CDH12: variants seen among roughly 807,000 people sequenced by gnomAD.
The protein encoded by CDH12 is cadherin 12.
In CDH12, 41 loss-of-function variants were observed where a neutral mutation model predicts 74.1. The ratio of observed to expected loss-of-function variants is 0.55; its 90% CI spans 0.43 to 0.72. CDH12 has a LOEUF of 0.72. Ranked by LOEUF, CDH12 falls within the 30% of genes least tolerant of loss-of-function variation. The pLI is 0.00. For synonymous variants in CDH12, 399 were observed against 355.0 expected (o/e 1.12, Z -1.39); for missense variants, 945 against 977.2 (o/e 0.97, Z 0.44).
intron 3 of CDH12, among the ~76,000 whole-genome samples, chr5:22,404,460 CT>C (rs200070020): frequency 1.3e-5 from 2 of 151,930 alleles, no homozygotes; most frequent in East Asian, 1.9e-4. Flanking sequence ...GAAGCCTGCC[CT>C]TTTTTTTGTT....
chr5:22,030,735 T>C (rs1267051255), intron 5 of CDH12, among the ~76,000 whole-genome samples: 1 of 152,188 alleles, frequency 6.6e-6, no homozygotes, highest in African/African-American at 2.4e-5. Context: ...TGTCTAGCTA[T>C]GAAAGTCCAA....
At chr5:22,692,069 T>C (rs1742112717) in intron 1 of CDH12, among the ~76,000 whole-genome samples, 2 of 152,166 alleles carry the variant, frequency 1.3e-5, no homozygotes, top group Non-Finnish European at 2.9e-5. Flanking sequence ...GTTTGGGTCA[T>C]GGGGTCGAAT....
chr5:22,463,929 GGTTAT>G (rs1250802965), intron 2 of CDH12, among the ~76,000 whole-genome samples: 2 of 152,028 alleles, frequency 1.3e-5, no homozygotes, highest in African/African-American at 2.4e-5. Flanking sequence ...TTTCTTCAAT[GGTTAT>G]GTTATAAGAT....
intron 1 of CDH12, among the ~76,000 whole-genome samples, chr5:22,686,618 C>T (rs1012249227): frequency 6.6e-6 from 1 of 152,238 alleles, no homozygotes; most frequent in East Asian, 1.9e-4. Context: ...AGCAACATTT[C>T]TTGAAGAGTT....
At chr5:21,764,466 G>C (rs981322743) in intron 12 of CDH12, among the ~76,000 whole-genome samples, 11 of 151,086 alleles carry the variant, frequency 7.3e-5, no homozygotes, top group Non-Finnish European at 1.5e-4. Flanking sequence ...TGGCTAACAT[G>C]GAGACACCCC....
At chr5:22,562,405 A>G (rs1739096259) in intron 1 of CDH12, among the ~76,000 whole-genome samples, 1 of 152,222 alleles carries the variant, frequency 6.6e-6, no homozygotes. Flanking sequence ...TTAAAAAAAT[A>G]CAAAATGAAA....
chr5:21,950,841 A>G (rs1012836558), intron 6 of CDH12, among the ~76,000 whole-genome samples: 8 of 150,408 alleles, frequency 5.3e-5, no homozygotes, highest in African/African-American at 1.9e-4. Flanking sequence ...GCTGGAGTGC[A>G]GTGGAGCAAT....
chr5:22,817,912 A>T (rs1255638682), intron 1 of CDH12, among the ~76,000 whole-genome samples: 1 of 152,170 alleles, frequency 6.6e-6, no homozygotes, highest in East Asian at 1.9e-4. Context: ...TATTTTAGGC[A>T]TGCCGTTAGT....
intron 4 of CDH12, among the ~76,000 whole-genome samples, chr5:22,173,397 TAATA>T (rs1388813437): frequency 1.3e-5 from 1 of 79,982 alleles, no homozygotes; most frequent in African/African-American, 3.0e-5. Context: ...ATATAAATAT[TAATA>T]AATATTAATA....
Position 22,751,027 on chromosome 5 carries a change from A to G in CDH12, c.-523+102031T>C, listed in dbSNP as rs143500156. 2.1e-3 allele frequency among the ~76,000 whole-genome samples: 314 copies of G among 152,010 alleles called. 2 individuals are homozygous for G. Among genetic ancestry groups the G allele is most frequent in the African/African-American group, 7.4e-3 (307 of 41,538 alleles). On this transcript the variant is annotated intron_variant, in intron 1 of 14. Coordinates refer to ENST00000382254, the MANE Select transcript of CDH12 (RefSeq NM_004061.5). ...TTAAAATAAATCTTTACATTTCACA[A>G]TGTTGGGAAAATGAATGACTTACTG...
chr5:22,294,838 T>G (rs1012825836), intron 3 of CDH12, among the ~76,000 whole-genome samples: 1 of 152,252 alleles, frequency 6.6e-6, no homozygotes, highest in Admixed American at 6.5e-5. Flanking sequence ...ACTATTTATC[T>G]GCTTCTTTGA....
At chr5:22,603,441 T>C (rs950415001) in intron 1 of CDH12, among the ~76,000 whole-genome samples, 10 of 152,126 alleles carry the variant, frequency 6.6e-5, no homozygotes, top group African/African-American at 2.2e-4. Flanking sequence ...TAGAGAGTGG[T>C]AGCATACAGC....
chr5:22,600,768 T>C (rs1736820806), intron 1 of CDH12, among the ~76,000 whole-genome samples: 1 of 152,054 alleles, frequency 6.6e-6, no homozygotes, highest in Non-Finnish European at 1.5e-5. Context: ...ACATATATAA[T>C]CGAATGGAAT....
In CDH12 at chr5:21,901,251, G is replaced by A. The variant is rs191468258; in HGVS notation, c.527-46461C>T. 2.1e-4 allele frequency among the ~76,000 whole-genome samples: 32 copies of A among 152,030 alleles called. No homozygotes were observed. The East Asian group carries it at 5.4e-3, about 26-fold the overall frequency. On this transcript the variant is annotated intron_variant, in intron 6 of 14. Transcript: ENST00000382254. ...AAAAAAACATGTTTTTGTATGCCTAGAACTTATAAGTCATATTATTATAGT... is the reference window on the plus strand; with the variant it reads ...AAAAAAACATGTTTTTGTATGCCTAAAACTTATAAGTCATATTATTATAGT...
intron 3 of CDH12, among the ~76,000 whole-genome samples, chr5:22,385,376 A>C (rs2126399369): frequency 6.6e-6 from 1 of 152,348 alleles, no homozygotes; most frequent in East Asian, 1.9e-4. Context: ...AAGCTTGATT[A>C]ATAAGATAGG....
chr5:22,407,877 T>A (rs1743005225), intron 2 of CDH12, among the ~76,000 whole-genome samples: 1 of 152,146 alleles, frequency 6.6e-6, no homozygotes, highest in Admixed American at 6.6e-5. Context: ...AGACTACCTG[T>A]TCAATTATAC....
intron 2 of CDH12, among the ~76,000 whole-genome samples, chr5:22,478,510 A>G (rs1435205167): frequency 6.6e-6 from 1 of 152,068 alleles, no homozygotes; most frequent in Non-Finnish European, 1.5e-5. Context: ...TTTACCAGCT[A>G]AATATATGAA....
intron 3 of CDH12, among the ~76,000 whole-genome samples, chr5:22,370,016 C>A (rs1741209875): frequency 6.6e-6 from 1 of 152,070 alleles, no homozygotes; most frequent in South Asian, 2.1e-4. Flanking sequence ...AAAAAAAATT[C>A]TCAAGTATAT....
At chr5:22,688,746 AAAAAT>A (rs1201542519) in intron 1 of CDH12, among the ~76,000 whole-genome samples, 2 of 150,552 alleles carry the variant, frequency 1.3e-5, no homozygotes, top group Non-Finnish European at 2.9e-5. Flanking sequence ...TAAAGCTACA[AAAAAT>A]AAACACAAAT....
Sources: gnomAD v4.1 joint callset for allele counts (sites outside exome capture counted in the v4.1 genomes callset) on GRCh38, gnomAD v4.1.1 for gene constraint, MANE v1.5 for transcripts, NCBI Gene and HGNC (gene_info 2026-07-23, HGNC 2026-07-21) for gene names.